Variants in PFKFB3 observed in about 807,000 individuals in gnomAD.
PFKFB3 encodes 6-phosphofructo-2-kinase/fructose-2,6-bisphosphatase 3.
A neutral mutation model predicts 68.0 loss-of-function variants in PFKFB3; 33 were observed. That is an observed-to-expected ratio of 0.49 (90% CI 0.37 to 0.65). PFKFB3 has a LOEUF of 0.65. Among genes scored for constraint, PFKFB3 ranks in the 30% least tolerant of loss-of-function variants. The probability of loss-of-function intolerance (pLI) is 0.00; values close to 1 mark genes in which losing one functional copy is unlikely to be tolerated. For synonymous variants in PFKFB3, 315 were observed against 288.2 expected (o/e 1.09, Z -0.94); for missense variants, 586 against 712.2 (o/e 0.82, Z 2.02).
intron 1 of PFKFB3, among the ~76,000 whole-genome samples, chr10:6,183,625 A>G (rs990299109): frequency 1.6e-4 from 23 of 147,284 alleles, no homozygotes; most frequent in Admixed American, 1.5e-3. Context: ...ATATATATAT[A>G]TATATATGTA....
chr10:6,322,546 C>A, the PFKFB3 span, among the ~76,000 whole-genome samples: 1 of 152,200 alleles, frequency 6.6e-6, no homozygotes, highest in Non-Finnish European at 1.5e-5. Context: ...GGCTTCCCAC[C>A]ATGCCTCAAA....
At chr10:6,168,845 T>G (rs1032780283) in intron 1 of PFKFB3, among the ~76,000 whole-genome samples, 1 of 152,244 alleles carries the variant, frequency 6.6e-6, no homozygotes, top group African/African-American at 2.4e-5. Flanking sequence ...TGGTCTGACT[T>G]ACATTCAAAG....
At chr10:6,275,225 G>A in the PFKFB3 span, among the ~76,000 whole-genome samples, 1 of 152,198 alleles carries the variant, frequency 6.6e-6, no homozygotes, top group African/African-American at 2.4e-5. This position sits in a 1 kb window ranked among gnomAD's most constrained non-coding sequence, Gnocchi z 4.9. Flanking sequence ...GCGACAAACC[G>A]ATGTGGCCTC....
the PFKFB3 span, among the ~76,000 whole-genome samples, chr10:6,286,843 G>A: frequency 6.6e-6 from 1 of 151,620 alleles, no homozygotes; most frequent in Non-Finnish European, 1.5e-5. Flanking sequence ...GGTTTTAATT[G>A]AGCATCTTAT....
chr10:6,310,885 TC>T, the PFKFB3 span, among the ~76,000 whole-genome samples: 1 of 152,240 alleles, frequency 6.6e-6, no homozygotes, highest in Non-Finnish European at 1.5e-5. Context: ...TAATAGTATA[TC>T]TGCATCATTT....
intron 14 of PFKFB3, among the ~76,000 whole-genome samples, chr10:6,230,520 G>A (rs1845670386): frequency 6.6e-6 from 1 of 152,186 alleles, no homozygotes; most frequent in Non-Finnish European, 1.5e-5. Context: ...CCCCTAGGAA[G>A]TGCGTGGGGG....
chr10:6,305,250 C>T, the PFKFB3 span, among the ~76,000 whole-genome samples: 1 of 144,494 alleles, frequency 6.9e-6, no homozygotes, highest in East Asian at 2.0e-4. Context: ...CCTTGAACTC[C>T]TGAGCTCAAG....
intron 6 of PFKFB3, among the ~76,000 whole-genome samples, chr10:6,218,598 T>C (rs1440857034): frequency 6.6e-6 from 1 of 151,910 alleles, no homozygotes; most frequent in East Asian, 1.9e-4. Flanking sequence ...CCAGCTAATT[T>C]TTTTTGTATT....
intron 1 of PFKFB3, among the ~76,000 whole-genome samples, chr10:6,156,203 G>C (rs1281282988): frequency 6.6e-6 from 1 of 150,560 alleles, no homozygotes; most frequent in Non-Finnish European, 1.5e-5. Flanking sequence ...TCCCAGGCTG[G>C]AGTGCAGTGG....
chr10:6,146,292 T>A lies in PFKFB3; in HGVS notation c.16+1279T>A. 6.7e-6 allele frequency: 10 copies of A among 1,497,922 alleles called. No individual in the cohort carries two copies. The South Asian group carries it at 7.4e-5, about 11-fold the overall frequency. 92.8% of individuals were successfully genotyped at this position (1,497,922 alleles called of 1,614,324 possible). On this transcript the variant is annotated intron_variant, in intron 1 of 14. Transcript: ENST00000379789. ...CTGGAGGCTGTACCGGACTTGTTTT[T>A]CAAACAGAGGGTGCCTAGGTATCAG...
At chr10:6,324,721 C>T in the PFKFB3 span, among the ~76,000 whole-genome samples, 2 of 152,002 alleles carry the variant, frequency 1.3e-5, no homozygotes, top group Non-Finnish European at 2.9e-5. Context: ...TGAGCCACTG[C>T]GCCCAGCTGT....
At chr10:6,299,428 C>T in the PFKFB3 span, among the ~76,000 whole-genome samples, 1 of 152,134 alleles carries the variant, frequency 6.6e-6, no homozygotes. Context: ...CGTGCTGGGT[C>T]CCTGCGTTGT....
chr10:6,174,751 C>T (rs1842412702), intron 1 of PFKFB3, among the ~76,000 whole-genome samples: 1 of 152,122 alleles, frequency 6.6e-6, no homozygotes, highest in Non-Finnish European at 1.5e-5. Flanking sequence ...CTGGGGGAAG[C>T]TCTGGGGTCC....
chr10:6,178,537 G>T (rs1487212507), intron 1 of PFKFB3, among the ~76,000 whole-genome samples: 1 of 149,242 alleles, frequency 6.7e-6, no homozygotes, highest in Admixed American at 6.7e-5. Flanking sequence ...ACAGGGAGGT[G>T]AAGCCACTGA....
intron 1 of PFKFB3, among the ~76,000 whole-genome samples, chr10:6,173,906 G>A (rs1842382981): frequency 6.6e-6 from 1 of 152,110 alleles, no homozygotes; most frequent in Admixed American, 6.6e-5. Flanking sequence ...AATGCGCAGT[G>A]GACGCAAACG....
the PFKFB3 span, chr10:6,326,625 T>A: frequency 2.2e-6 from 1 of 445,062 alleles, no homozygotes; most frequent in Non-Finnish European, 4.5e-6. Flanking sequence ...TGAAAACGTT[T>A]CTGGCTCCAT....
chr10:6,221,701 C>T lies in PFKFB3; in HGVS notation c.1039C>T (p.Leu347=). 1 of 1,609,828 alleles carries T rather than the reference C, an allele frequency of 6.2e-7. No homozygotes were observed. The highest frequency in any genetic ancestry group is 8.5e-7 in the Non-Finnish European group (1 of 1,178,668). Residue 347 remains leucine, a synonymous_variant, in exon 10 of 15, where the codon CTG becomes TTG. Transcript: ENST00000379775. ...IRDTYPEEYA[L]REQDKYYYRY... ...GGACACCTACCCTGAGGAGTATGCG[C>T]TGCGGGAGCAGGACAAGTACTATTA...
chr10:6,240,408 G>A (rs1252472812), downstream of PFKFB3, among the ~76,000 whole-genome samples: 2 of 151,894 alleles, frequency 1.3e-5, no homozygotes, highest in Non-Finnish European at 2.9e-5. Context: ...GGGATTACAG[G>A]TGCCCGCCTC....
Position 6,229,533 on chromosome 10 carries a change from T to A in PFKFB3, c.1515+3168T>A, listed in dbSNP as rs1013570490. 3.3e-5 allele frequency among the ~76,000 whole-genome samples: 5 copies of A among 152,174 alleles called. No individual in the cohort carries two copies. The highest frequency in any genetic ancestry group is 1.2e-4 in the African/African-American group (5 of 41,446). On this transcript the variant is annotated intron_variant, in intron 14 of 14. Transcript: ENST00000379775. This position sits in a 1 kb window ranked among gnomAD's most constrained non-coding sequence, Gnocchi z 4.3. The stretch of plus-strand genomic sequence containing the variant: ...ACCCCCACAGCCACCCCCTTGCAGC[T>A]GCTTCCCACAGCCAGGCTTTGCTTA...
Sources: allele counts gnomAD v4.1 joint callset (sites outside exome capture counted in the v4.1 genomes callset), GRCh38; gene constraint gnomAD v4.1.1; non-coding constraint Gnocchi (gnomAD v3.1); transcripts MANE v1.5; gene names NCBI Gene and HGNC (gene_info 2026-07-23, HGNC 2026-07-21).